DMD: variants seen among roughly 807,000 people sequenced by gnomAD.
The protein encoded by DMD is dystrophin, also known as mutant dystrophin.
Under a neutral mutation model 330.1 loss-of-function variants are expected in DMD, and 63 were observed. The observed-to-expected ratio is 0.19, with a 90% CI of 0.16 to 0.24. DMD has a LOEUF of 0.24. Ranked by LOEUF, DMD falls within the 10% of genes least tolerant of loss-of-function variation. DMD has a pLI of 1.00. For synonymous variants in DMD, 1,223 were observed against 959.8 expected (o/e 1.27, Z -5.07); for missense variants, 3,344 against 2,684.1 (o/e 1.25, Z -5.43).
At chrX:33,057,201 T>G (rs1009766340) in intron 1 of DMD, among the ~76,000 whole-genome samples, 2 of 109,197 alleles carry the variant, frequency 1.8e-5, no homozygotes, top group South Asian at 4.0e-4. Flanking sequence ...AATAGCAAAA[T>G]TCAAAATCAC....
intron 76 of DMD, among the ~76,000 whole-genome samples, chrX:31,142,709 G>T (rs2036215031): frequency 8.9e-6 from 1 of 112,155 alleles, no homozygotes; most frequent in African/African-American, 3.2e-5. Flanking sequence ...CAGAGATAAG[G>T]AGTTGTCTGG....
chrX:33,100,114 C>T (rs2095222422), intron 1 of DMD, among the ~76,000 whole-genome samples: 1 of 111,536 alleles, frequency 9.0e-6, no homozygotes, highest in African/African-American at 3.3e-5. Context: ...GATGCTGGCC[C>T]AATCCAAACA....
intron 41 of DMD, among the ~76,000 whole-genome samples, chrX:32,314,763 C>T (rs897470072): frequency 1.8e-4 from 20 of 111,493 alleles, no homozygotes; most frequent in Non-Finnish European, 2.6e-4. Context: ...AAGACATTTA[C>T]GCGGCCAACA....
intron 42 of DMD, among the ~76,000 whole-genome samples, chrX:32,299,490 T>C (rs762707690): frequency 9.5e-6 from 1 of 105,184 alleles, no homozygotes; most frequent in African/African-American, 3.4e-5. Flanking sequence ...TCTTTGTTAT[T>C]CTTCAGACAC....
chrX:32,864,732 C>CT (rs1164583761), intron 2 of DMD, among the ~76,000 whole-genome samples: 1 of 111,899 alleles, frequency 8.9e-6, no homozygotes, highest in East Asian at 2.8e-4. Flanking sequence ...TTAGAGCACA[C>CT]TGCAAATTGT....
intron 44 of DMD, among the ~76,000 whole-genome samples, chrX:32,188,056 C>G: frequency 2.7e-5 from 3 of 110,747 alleles, no homozygotes; most frequent in Middle Eastern, 4.7e-3. Flanking sequence ...TAAAGTAAAT[C>G]AAATGCAGGC....
At chrX:31,435,081 T>G (rs867730671) in intron 60 of DMD, among the ~76,000 whole-genome samples, 1 of 111,552 alleles carries the variant, frequency 9.0e-6, no homozygotes, top group East Asian at 2.8e-4. Flanking sequence ...TTACCTGATA[T>G]ATGACCACAG....
At chrX:32,839,973 T>A (rs5928088) in intron 4 of DMD, among the ~76,000 whole-genome samples, 20 of 110,935 alleles carry the variant, frequency 1.8e-4, no homozygotes, top group African/African-American at 5.6e-4. Flanking sequence ...CCACCCAAAG[T>A]GCTGGTATTA....
At chrX:33,329,202 G>GA (rs1326363295) in intron 1 of DMD, among the ~76,000 whole-genome samples, 1 of 111,180 alleles carries the variant, frequency 9.0e-6, no homozygotes, top group African/African-American at 3.3e-5. Flanking sequence ...TTAGTCACTA[G>GA]AAAAAAATGG....
chrX:31,717,300 T>C (rs1296522310), intron 52 of DMD, among the ~76,000 whole-genome samples: 1 of 111,852 alleles, frequency 8.9e-6, no homozygotes, highest in Non-Finnish European at 1.9e-5. Flanking sequence ...AACATGTTTT[T>C]AGTTACCAAA....
chrX:31,795,843 T>C (rs780945050), intron 50 of DMD, among the ~76,000 whole-genome samples: 30 of 112,160 alleles, frequency 2.7e-4, no homozygotes, highest in Non-Finnish European at 4.9e-4. Context: ...ACACAAATAA[T>C]ATTATAAACT....
Position 32,986,423 on chromosome X carries a change from C to T in DMD, c.93+33716G>A, listed in dbSNP as rs1321234904. ...TAGAAATTTAGGGCGTAAGAAATAA[C>T]TTTTCAAAGAAAAAAATTATGTCAT... On this transcript the variant is annotated intron_variant, in intron 2 of 78. Transcript: ENST00000357033. Among the ~76,000 whole-genome samples the T allele has an allele frequency of 2.9e-4, 32 of 111,772 alleles. No homozygotes were observed. The Admixed American group carries it at 2.9e-3, about 10-fold the overall frequency.
At chrX:32,485,734 C>CTTTGTTTTTTTTT (rs2042377909) in intron 20 of DMD, among the ~76,000 whole-genome samples, 1 of 36,149 alleles carries the variant, frequency 2.8e-5, no homozygotes, top group African/African-American at 1.1e-4. Context: ...GCAACCACTG[C>CTTTGTTTTTTTTT]TTTTTTTTTT....
At chrX:32,099,111 C>T (rs2096526524) in intron 44 of DMD, among the ~76,000 whole-genome samples, 1 of 111,573 alleles carries the variant, frequency 9.0e-6, no homozygotes, top group Non-Finnish European at 1.9e-5. Context: ...ACAATCCCAC[C>T]AACAGTGTAA....
rs762543373 is a variant in DMD at position 32,226,175 on chromosome X, C to T, written c.6291-9112G>A. Among the ~76,000 whole-genome samples, 9 of 111,756 alleles carry T rather than the reference C, an allele frequency of 8.1e-5. No individual in the cohort carries two copies. In the East Asian group the frequency reaches 8.5e-4, roughly 11 times the overall value. On this transcript the variant is annotated intron_variant, in intron 43 of 78. Coordinates refer to ENST00000357033, the MANE Select transcript of DMD (RefSeq NM_004006.3). ...TCTCTCCCTATTTTCGGTTTCTCAG[C>T]GCTCTCTAACAGACAACCTCACTTC... is the stretch of plus-strand genomic sequence containing the variant.
At chrX:31,638,337 A>ATAAG (rs745769681) in intron 54 of DMD, among the ~76,000 whole-genome samples, 41 of 111,441 alleles carry the variant, frequency 3.7e-4, no homozygotes, top group African/African-American at 1.1e-3. Flanking sequence ...TTTATCACCC[A>ATAAG]TAAGTTTGAT....
Position 33,298,581 on chromosome X carries a change from C to A in DMD, c.7+40678G>T, listed in dbSNP as rs904706218. On this transcript the variant is annotated intron_variant, in intron 1 of 17. Coordinates refer to the DMD transcript ENST00000288447. The stretch of plus-strand genomic sequence containing the variant: ...AATCGTCAATGTTGAGCGTATCGGA[C>A]ACTTTAGGAAAATCTTTAGTAATAA... Among the ~76,000 whole-genome samples the A allele has an allele frequency of 2.7e-5, 3 of 111,693 alleles. No homozygotes were observed. In the South Asian group the frequency reaches 1.1e-3, roughly 41 times the overall value.
intron 60 of DMD, among the ~76,000 whole-genome samples, chrX:31,362,255 C>T (rs999408726): frequency 8.9e-6 from 1 of 111,983 alleles, no homozygotes; most frequent in African/African-American, 3.2e-5. Flanking sequence ...CAAACTTTTT[C>T]TAGACTTTTC....
At chrX:31,203,936 G>A (rs368808853) in intron 67 of DMD, 25 bp downstream of exon 67, 1 of 1,177,226 alleles carries the variant, frequency 8.5e-7, no homozygotes, top group Non-Finnish European at 1.2e-6. Flanking sequence ...GAATAAATAT[G>A]TTACCTAGAA....
Sources: gnomAD v4.1 joint callset for allele counts (sites outside exome capture counted in the v4.1 genomes callset) on GRCh38, gnomAD v4.1.1 for gene constraint, MANE v1.5 for transcripts, NCBI Gene and HGNC (gene_info 2026-07-23, HGNC 2026-07-21) for gene names.